PRPF18: variants seen among roughly 807,000 people sequenced by gnomAD.
PRPF18 encodes the protein pre-mRNA processing factor 18, also known as pre-mRNA-splicing factor 18.
In PRPF18, 38 loss-of-function variants were observed where a neutral mutation model predicts 46.5. That is an observed-to-expected ratio of 0.82 (90% CI 0.63 to 1.07). The LOEUF (loss-of-function observed/expected upper bound fraction) is 1.07. Among genes scored for constraint, PRPF18 ranks in the 50% least tolerant of loss-of-function variants. The pLI, the probability that PRPF18 is intolerant of heterozygous loss-of-function variation, is 0.00. For missense variants in PRPF18, 263 were observed against 410.0 expected (o/e 0.64, Z 3.10); for synonymous variants, 152 against 146.7 (o/e 1.04, Z -0.26).
chr10:13,621,030 A>G (rs1055331517), intron 9 of PRPF18, among the ~76,000 whole-genome samples: 3 of 152,336 alleles, frequency 2.0e-5, no homozygotes, highest in African/African-American at 7.2e-5. Context: ...GACTTTGGGT[A>G]AAGCTTCTTT....
chr10:13,629,771 AGTGT>A (rs2080567673), intron 9 of PRPF18, among the ~76,000 whole-genome samples: 1 of 152,172 alleles, frequency 6.6e-6, no homozygotes. Flanking sequence ...AAATAATTGG[AGTGT>A]ATTTTCTCAG....
chr10:13,637,080 A>G, the PRPF18 span: 1 of 112,198 alleles, frequency 8.9e-6, no homozygotes, highest in African/African-American at 2.5e-5. Flanking sequence ...AATTTATTCT[A>G]CTGATGATGG....
chr10:13,605,621 C>T lies in PRPF18; in HGVS notation c.250-10C>T. On this transcript the variant is annotated splice_polypyrimidine_tract_variant and intron_variant, in intron 3 of 9. Transcript: ENST00000378572. ...AAAAAAATTTACTGGGTATCTGTTT[C>T]ACTTTGTAGGTCATCAGAAGATTGA... 7.1e-7 allele frequency: 1 copy of T among 1,413,808 alleles called. No individual in the cohort carries two copies. Among genetic ancestry groups the T allele is most frequent in the African/African-American group, 1.5e-5 (1 of 67,684 alleles). 87.6% of individuals were successfully genotyped at this position (1,413,808 alleles called of 1,614,324 possible).
chr10:13,598,954 G>A (rs2080070352), intron 2 of PRPF18, among the ~76,000 whole-genome samples: 1 of 152,152 alleles, frequency 6.6e-6, no homozygotes, highest in African/African-American at 2.4e-5. Flanking sequence ...AGCCCTGAAG[G>A]AAAGTAATTA....
At chr10:13,606,465 G>A (rs1362671252) in intron 4 of PRPF18, among the ~76,000 whole-genome samples, 2 of 152,124 alleles carry the variant, frequency 1.3e-5, no homozygotes, top group East Asian at 3.9e-4. Context: ...GGCTGGGCGT[G>A]GTGGCACAAG....
the PRPF18 span, chr10:13,647,373 G>C: frequency 3.3e-5 from 5 of 152,196 alleles, no homozygotes; most frequent in African/African-American, 1.2e-4. Context: ...ATTGATTTGG[G>C]GTGTGTTTGA....
chr10:13,638,493 C>T, the PRPF18 span, among the ~76,000 whole-genome samples: 75,273 of 151,530 alleles, frequency 0.5, 20,459 homozygotes, highest in East Asian at 0.79. Flanking sequence ...TGATCTGTAC[C>T]CCGCAAGCTG....
chr10:13,615,421 T>G (rs1313203239), intron 8 of PRPF18, among the ~76,000 whole-genome samples: 1 of 152,212 alleles, frequency 6.6e-6, no homozygotes, highest in African/African-American at 2.4e-5. Context: ...TTTATACACA[T>G]GAAAATTAGT....
At chr10:13,597,116 T>G (rs951758914) in intron 1 of PRPF18, among the ~76,000 whole-genome samples, 4 of 152,202 alleles carry the variant, frequency 2.6e-5, no homozygotes, top group Non-Finnish European at 4.4e-5. Context: ...TGTTTCATAA[T>G]GAATCCATTT....
intron 1 of PRPF18, among the ~76,000 whole-genome samples, chr10:13,588,331 C>A (rs1267784117): frequency 6.6e-6 from 1 of 151,522 alleles, no homozygotes; most frequent in Admixed American, 6.6e-5. Flanking sequence ...CACTTGAACC[C>A]GGGAGGCGGA....
the PRPF18 span, chr10:13,654,435 TGTG>T: frequency 6.2e-7 from 1 of 1,608,452 alleles, no homozygotes; most frequent in Non-Finnish European, 8.5e-7. Context: ...CAGGTTAGGA[TGTG>T]GTGGGGGCTG....
the PRPF18 span, chr10:13,647,073 T>A: frequency 2.2e-6 from 1 of 459,248 alleles, no homozygotes; most frequent in Non-Finnish European, 2.9e-6. Context: ...GACAGTTAGT[T>A]AGTGGAGGAG....
At chr10:13,640,628 GTC>G in the PRPF18 span, 1 of 152,162 alleles carries the variant, frequency 6.6e-6, no homozygotes, top group Non-Finnish European at 1.5e-5. Context: ...TGTCCAATCA[GTC>G]TGTTTTCTCC....
At chr10:13,604,775 AAAG>A (rs2080161348) in intron 3 of PRPF18, among the ~76,000 whole-genome samples, 1 of 152,248 alleles carries the variant, frequency 6.6e-6, no homozygotes, top group Non-Finnish European at 1.5e-5. Flanking sequence ...TGGAAAATTA[AAAG>A]AATAAACAGA....
chr10:13,617,828 G>A (rs1256800921), intron 9 of PRPF18, among the ~76,000 whole-genome samples: 2 of 151,956 alleles, frequency 1.3e-5, no homozygotes, highest in Non-Finnish European at 2.9e-5. Context: ...CTTTTTAACT[G>A]TTCTCTTCCC....
intron 6 of PRPF18, among the ~76,000 whole-genome samples, chr10:13,612,648 T>A (rs918614537): frequency 4.7e-5 from 7 of 147,504 alleles, no homozygotes; most frequent in South Asian, 2.2e-4. Context: ...TTTTTTTTTT[T>A]AAGCAAAAGT....
the PRPF18 span, chr10:13,639,756 C>T: frequency 6.6e-6 from 1 of 152,212 alleles, no homozygotes; most frequent in African/African-American, 2.4e-5. Context: ...GACACATCTT[C>T]ATACTCTGCT....
chr10:13,600,817 C>T (rs1485234907), intron 3 of PRPF18, among the ~76,000 whole-genome samples: 1 of 152,192 alleles, frequency 6.6e-6, no homozygotes, highest in African/African-American at 2.4e-5. Context: ...CACTGTGTCG[C>T]CCAGGCTGGA....
At chr10:13,647,764 G>A in the PRPF18 span, 1 of 148,422 alleles carries the variant, frequency 6.7e-6, no homozygotes, top group Non-Finnish European at 1.5e-5. Context: ...TTTTAGGGAG[G>A]TATCACCATT....
Sources: allele counts gnomAD v4.1 joint callset (sites outside exome capture counted in the v4.1 genomes callset), GRCh38; gene constraint gnomAD v4.1.1; transcripts MANE v1.5; gene names NCBI Gene and HGNC (gene_info 2026-07-23, HGNC 2026-07-21).